Variants in LNPEP observed in about 807,000 individuals in gnomAD.
LNPEP encodes leucyl-cystinyl aminopeptidase.
Under a neutral mutation model 120.6 loss-of-function variants are expected in LNPEP, and 64 were observed. That is an observed-to-expected ratio of 0.53 (90% CI 0.43 to 0.65). LNPEP has a LOEUF of 0.65. LNPEP is among the 30% of genes least tolerant of loss of function. The pLI is 0.00. For missense variants in LNPEP, 1,057 were observed against 1,200.0 expected, an observed-to-expected ratio of 0.88 and a Z score of 1.76; for synonymous variants, 435 against 425.4, an observed-to-expected ratio of 1.02 and a Z score of -0.28.
chr5:96,973,110 T>C (rs1022073944), intron 1 of LNPEP, among the ~76,000 whole-genome samples: 5 of 152,150 alleles, frequency 3.3e-5, no homozygotes, highest in Non-Finnish European at 7.4e-5. Context: ...TAGATACATC[T>C]TCAAAACTTG....
rs1277205297 is a variant in LNPEP at position 96,979,793 on chromosome 5, T to C, written c.675T>C (p.Val225=). ...NISRVTFMSA[V]SSQEKQAEIL... is the part of the protein sequence containing the mutation. ...CAAGAGTGACCTTTATGTCAGCAGT[T>C]TCAAGCCAAGAAAAACAAGCTGAGA... The change falls in exon 2 of 18, where the codon GTT becomes GTC. Residue 225 remains valine (V), a synonymous_variant. Coordinates refer to ENST00000231368, the MANE Select transcript of LNPEP (RefSeq NM_005575.3). The C allele has an allele frequency of 1.9e-6, 3 of 1,613,918 alleles. No individual in the cohort carries two copies. In the South Asian group the frequency reaches 3.3e-5, roughly 18 times the overall value.
In LNPEP at chr5:97,006,248, T is replaced by C. The variant is rs893688924; in HGVS notation, c.1946+15T>C. ...TCAGATACAAGGTACATGCCCTCTTTCTTTTCATGCCATCTCTTTTGCACT... is the reference window on the plus strand; with the variant it reads ...TCAGATACAAGGTACATGCCCTCTTCCTTTTCATGCCATCTCTTTTGCACT... On this transcript the variant is annotated intron_variant, in intron 10 of 17. Coordinates refer to ENST00000231368, the MANE Select transcript of LNPEP (RefSeq NM_005575.3). The C allele has an allele frequency of 2.5e-6, 4 of 1,585,646 alleles. No individual in the cohort carries two copies. The highest frequency in any genetic ancestry group is 2.6e-6 in the Non-Finnish European group (3 of 1,166,610).
At chr5:96,990,231 CT>C (rs1790360596) in intron 4 of LNPEP, among the ~76,000 whole-genome samples, 1 of 152,060 alleles carries the variant, frequency 6.6e-6, no homozygotes. Context: ...TATATTAAAA[CT>C]GACTTCTGTA....
chr5:96,971,008 G>A (rs1320006921), intron 1 of LNPEP, among the ~76,000 whole-genome samples: 2 of 151,974 alleles, frequency 1.3e-5, no homozygotes, highest in African/African-American at 4.8e-5. Flanking sequence ...CCTTCATCCT[G>A]AAGAACCTCC....
In LNPEP at chr5:96,993,950, T is replaced by G. The variant is rs376891046; in HGVS notation, c.1386T>G (p.Ile462Met). The G allele has an allele frequency of 1.2e-6, 2 of 1,613,760 alleles. No individual in the cohort carries two copies. The highest frequency in any genetic ancestry group is 2.7e-5 in the African/African-American group (2 of 74,918). The change falls in exon 6 of 18, where the codon ATT becomes ATG. Residue 462 changes from isoleucine to methionine, a missense_variant. By Grantham distance (10) the Ile-to-Met change is conservative (BLOSUM62 1). Coordinates refer to ENST00000231368, the MANE Select transcript of LNPEP (RefSeq NM_005575.3). ...MADRKLVTKIIAHELAHQWFG... is the reference protein window; with the variant it reads ...MADRKLVTKIMAHELAHQWFG... The stretch of plus-strand genomic sequence containing the variant: ...ATAGAAAGCTGGTGACTAAAATCAT[T>G]GCTCATGAGCTGGCCCACCAGGTAT...
intron 1 of LNPEP, among the ~76,000 whole-genome samples, chr5:96,961,400 C>T (rs1291207537): frequency 1.3e-5 from 2 of 152,118 alleles, no homozygotes; most frequent in East Asian, 3.8e-4. Context: ...AAAAAGAAAT[C>T]TGCTTGGTTC....
At chr5:96,936,321 C>T in intron 1 of LNPEP, 147 bp downstream of exon 1, 1 of 221,802 alleles carries the variant, frequency 4.5e-6, no homozygotes, top group South Asian at 8.7e-5. Context: ...GAGAGGGGAT[C>T]TGGGGGAGGC....
At chr5:96,949,165 A>G (rs1789263237) in intron 1 of LNPEP, among the ~76,000 whole-genome samples, 1 of 152,150 alleles carries the variant, frequency 6.6e-6, no homozygotes, top group Non-Finnish European at 1.5e-5. Flanking sequence ...TCCATTTCAT[A>G]TTTATTAACA....
rs538957339 is a variant in LNPEP at position 96,936,105 on chromosome 5, G to C, written c.-51G>C. 3.3e-6 allele frequency: 5 copies of C among 1,514,580 alleles called. No individual in the cohort carries two copies. Among genetic ancestry groups the C allele is most frequent in the Non-Finnish European group, 4.4e-6 (5 of 1,131,388 alleles). 93.8% of individuals were successfully genotyped at this position (1,514,580 alleles called of 1,614,324 possible). A position where few individuals can be genotyped will look rare whatever the true frequency, so the allele number is the denominator to read the frequency against. ...AGTCAGCTGGGCCGCCTCAGCTCTC[G>C]GAGTAGGAAGCTCGGGCGCTCCGGC... On this transcript the variant is annotated 5_prime_UTR_variant, in exon 1 of 18. Coordinates refer to ENST00000231368, the MANE Select transcript of LNPEP (RefSeq NM_005575.3).
chr5:96,995,810 C>T lies in LNPEP; in HGVS notation c.1408-580C>T, dbSNP rs141980358. Among the ~76,000 whole-genome samples, 348 of 152,258 alleles carry T rather than the reference C, an allele frequency of 2.3e-3. 2 individuals carry two copies. The highest frequency in any genetic ancestry group is 3.9e-3 in the Non-Finnish European group (265 of 68,020). On this transcript the variant is annotated intron_variant, in intron 6 of 17. Transcript: ENST00000231368. ...GCACTGGGATTACAGGTGTAAGCCACGATGCCCAGCCTGTATATGTCAACT... is the reference window on the plus strand; with the variant it reads ...GCACTGGGATTACAGGTGTAAGCCATGATGCCCAGCCTGTATATGTCAACT...
chr5:96,978,775 TAGTC>T (rs1370351363), intron 1 of LNPEP, among the ~76,000 whole-genome samples: 3 of 152,102 alleles, frequency 2.0e-5, no homozygotes, highest in Admixed American at 6.6e-5. Context: ...GGGACAGACA[TAGTC>T]AGAGGAATGC....
intron 2 of LNPEP, among the ~76,000 whole-genome samples, chr5:96,982,972 CAAGTCGTTTTTATTATA>C (rs139077033): frequency 0.025 from 3,767 of 152,030 alleles, 159 homozygotes; most frequent in African/African-American, 0.086. Flanking sequence ...ATATGGTATA[CAAGTCGTTTTTATTATA>C]AATATTTTTA....
At position 97,029,247 on chromosome 5, in the gene LNPEP, T is replaced by C. The variant is rs1233451974; in HGVS notation, c.*714T>C. ...ATTTAAGACTTTCTTTTTCATCTTT[T>C]ATAGCGTTACCATAGGAAACTGTTC... is the stretch of plus-strand genomic sequence containing the variant. On this transcript the variant is annotated 3_prime_UTR_variant, in exon 18 of 18. Transcript: ENST00000231368. The C allele has an allele frequency of 2.0e-5, 3 of 152,408 alleles. No individual in the cohort carries two copies. Among genetic ancestry groups the C allele is most frequent in the Admixed American group, 6.5e-5 (1 of 15,292 alleles). The allele number at this position is 152,408 out of a possible 1,614,324, so 9.4% of individuals were successfully genotyped here.
In LNPEP at chr5:96,979,954, A is replaced by C. The variant is rs766306281; in HGVS notation, c.836A>C (p.Tyr279Ser). ...SSYYGFYGFSYTDESNEKKYF... is the reference protein window; with the variant it reads ...SSYYGFYGFSSTDESNEKKYF... ...TATTATGGGTTTTATGGCTTCTCCT[A>C]CACAGATGAAAGTAATGAGAAAAAG... The change falls in exon 2 of 18, where the codon TAC becomes TCC. Residue 279 changes from tyrosine to serine, a missense_variant. Coordinates refer to ENST00000231368, the MANE Select transcript of LNPEP (RefSeq NM_005575.3). The C allele has an allele frequency of 2.5e-6, 4 of 1,594,572 alleles. No homozygotes were observed. The highest frequency in any genetic ancestry group is 3.4e-6 in the Non-Finnish European group (4 of 1,168,740).
rs116332328 is a variant in LNPEP, at chr5:96,973,389, T to G, written c.20-5749T>G. ...AAGAGTATTCTCATTAGGGAAATAG[T>G]TACTTTATATGATACTTAGTCATCA... On this transcript the variant is annotated intron_variant, in intron 1 of 17. Coordinates refer to ENST00000231368, the MANE Select transcript of LNPEP (RefSeq NM_005575.3). Among the ~76,000 whole-genome samples, 1,393 of 152,236 alleles carry G rather than the reference T, an allele frequency of 9.2e-3. 23 individuals are homozygous for G. Among genetic ancestry groups the G allele is most frequent in the African/African-American group, 0.032 (1,309 of 41,546 alleles).
In LNPEP at chr5:97,026,714, G is replaced by T. The variant is rs1791349751; in HGVS notation, c.2821G>T (p.Ala941Ser). 1.9e-6 allele frequency: 3 copies of T among 1,613,296 alleles called. No individual in the cohort carries two copies. Among genetic ancestry groups the T allele is most frequent in the Non-Finnish European group, 2.5e-6 (3 of 1,179,434 alleles). The change falls in exon 16 of 18, where the codon GCA becomes TCA. Residue 941 changes from alanine (A) to serine (S), a missense_variant. By Grantham distance (99) the Ala-to-Ser change is moderately conservative. Transcript: ENST00000231368. ...TCGACATTTTCCTGGACACTTACTG[G>T]CATGGGATTTTGTCAAAGAGAACTG... ...VGRHFPGHLL[A>S]WDFVKENWNK...
intron 1 of LNPEP, among the ~76,000 whole-genome samples, chr5:96,970,924 C>CTGTATTA: frequency 2.0e-5 from 3 of 151,840 alleles, no homozygotes; most frequent in Non-Finnish European, 4.4e-5. Context: ...GAATGTACAC[C>CTGTATTA]TTTTATTTTA....
chr5:97,013,285 A>G (rs1020391842), intron 11 of LNPEP, among the ~76,000 whole-genome samples: 2 of 151,982 alleles, frequency 1.3e-5, no homozygotes, highest in African/African-American at 4.8e-5. Flanking sequence ...AGAGGGAAGC[A>G]TTTTTTCTAT....
At chr5:96,993,722 T>A in intron 5 of LNPEP, 95 bp from the exon 6 acceptor site, 1 of 1,128,292 alleles carries the variant, frequency 8.9e-7, no homozygotes, top group Admixed American at 2.1e-5. Context: ...AAAGAATTCA[T>A]TGCTTTCACA....
Sources: gnomAD v4.1 joint callset for allele counts (sites outside exome capture counted in the v4.1 genomes callset) on GRCh38, gnomAD v4.1.1 for gene constraint, MANE v1.5 for transcripts, NCBI Gene and HGNC (gene_info 2026-07-23, HGNC 2026-07-21) for gene names.